The following ARHGAP26 variants were observed in gnomAD, a reference collection of about 807,000 sequenced individuals.
The protein encoded by ARHGAP26 is rho GTPase-activating protein 26.
A neutral mutation model predicts 104.8 loss-of-function variants in ARHGAP26; 38 were observed. The ratio of observed to expected loss-of-function variants is 0.36; its 90% CI spans 0.28 to 0.48. The LOEUF (loss-of-function observed/expected upper bound fraction) is 0.48. Among genes scored for constraint, ARHGAP26 ranks in the 20% least tolerant of loss-of-function variants. The probability of loss-of-function intolerance (pLI) is 0.99; values close to 1 mark genes in which losing one functional copy is unlikely to be tolerated. For missense variants in ARHGAP26, 704 were observed against 947.9 expected (o/e 0.74, Z 3.38); for synonymous variants, 341 against 340.0 (o/e 1.00, Z -0.03).
chr5:142,990,103 G>T (rs1775371225), intron 11 of ARHGAP26, among the ~76,000 whole-genome samples: 2 of 152,164 alleles, frequency 1.3e-5, no homozygotes, highest in Non-Finnish European at 2.9e-5. Flanking sequence ...ATCAGATGTA[G>T]ATTTGGTCTT....
chr5:143,130,051 A>T (rs1367650153), intron 18 of ARHGAP26, among the ~76,000 whole-genome samples: 1 of 152,186 alleles, frequency 6.6e-6, no homozygotes, highest in Non-Finnish European at 1.5e-5. Context: ...TATGGCAGTG[A>T]TGTCAGCGTC....
intron 11 of ARHGAP26, among the ~76,000 whole-genome samples, chr5:143,009,079 CT>C (rs1018559106): frequency 7.2e-5 from 11 of 152,154 alleles, no homozygotes; most frequent in South Asian, 6.2e-4. Flanking sequence ...CTCTCCCCCC[CT>C]GGTGTTTATC....
chr5:143,016,030 T>C (rs953251106), intron 12 of ARHGAP26, among the ~76,000 whole-genome samples: 1 of 152,196 alleles, frequency 6.6e-6, no homozygotes, highest in Non-Finnish European at 1.5e-5. Context: ...GCGTTGGTGA[T>C]AATAGCAAAG....
intron 20 of ARHGAP26, among the ~76,000 whole-genome samples, chr5:143,149,380 C>T (rs1799541414): frequency 2.0e-5 from 3 of 152,132 alleles, no homozygotes. Context: ...CCAGCATCAG[C>T]CCTGATACCA....
intron 17 of ARHGAP26, among the ~76,000 whole-genome samples, chr5:143,064,238 A>G (rs1004176047): frequency 6.6e-6 from 1 of 151,890 alleles, no homozygotes; most frequent in Non-Finnish European, 1.5e-5. Flanking sequence ...CTCCCGGCCT[A>G]CTTCATTCAG....
chr5:143,199,925 T>TA (rs1413601304), intron 20 of ARHGAP26, among the ~76,000 whole-genome samples: 1 of 152,226 alleles, frequency 6.6e-6, no homozygotes, highest in Non-Finnish European at 1.5e-5. Flanking sequence ...GGAGCAGCCA[T>TA]ACCTTTCAAC....
chr5:142,947,824 C>T (rs1196385627), intron 11 of ARHGAP26, among the ~76,000 whole-genome samples: 1 of 152,096 alleles, frequency 6.6e-6, no homozygotes, highest in Non-Finnish European at 1.5e-5. Context: ...TGGCCAAGAT[C>T]GTTGAGTATA....
chr5:142,831,794 G>A (rs1011606844), intron 1 of ARHGAP26, among the ~76,000 whole-genome samples: 1 of 151,958 alleles, frequency 6.6e-6, no homozygotes, highest in Non-Finnish European at 1.5e-5. Flanking sequence ...TTATCCAGTG[G>A]GTAGCAATTT....
intron 1 of ARHGAP26, among the ~76,000 whole-genome samples, chr5:142,825,179 T>G (rs1766992964): frequency 1.3e-5 from 2 of 152,228 alleles, no homozygotes; most frequent in African/African-American, 4.8e-5. Flanking sequence ...TTGTAAGGAT[T>G]TAAACCAGGT....
At chr5:143,181,544 GTTAT>G (rs1335736653) in intron 20 of ARHGAP26, among the ~76,000 whole-genome samples, 1 of 152,114 alleles carries the variant, frequency 6.6e-6, no homozygotes, top group African/African-American at 2.4e-5. Context: ...TCATCACCTG[GTTAT>G]TTGTCTCATT....
intron 1 of ARHGAP26, among the ~76,000 whole-genome samples, chr5:142,791,635 A>C (rs1292647752): frequency 6.6e-6 from 1 of 152,118 alleles, no homozygotes; most frequent in East Asian, 1.9e-4. Flanking sequence ...TGAATATTAG[A>C]GTATATATTC....
At chr5:143,098,902 G>A (rs1035310396) in intron 17 of ARHGAP26, among the ~76,000 whole-genome samples, 3 of 152,312 alleles carry the variant, frequency 2.0e-5, no homozygotes, top group African/African-American at 4.8e-5. Context: ...ACATGACTTT[G>A]TGAAAGTATA....
chr5:142,950,842 T>G (rs1305195330), intron 11 of ARHGAP26, among the ~76,000 whole-genome samples: 3 of 152,222 alleles, frequency 2.0e-5, no homozygotes, highest in Non-Finnish European at 4.4e-5. Flanking sequence ...AAGGCTAGCA[T>G]CTGTCAAGAG....
At chr5:143,062,513 G>A (rs1243957727) in intron 17 of ARHGAP26, among the ~76,000 whole-genome samples, 1 of 135,376 alleles carries the variant, frequency 7.4e-6, no homozygotes, top group African/African-American at 2.8e-5. Flanking sequence ...GCATGTTGTA[G>A]CTTGGGTTTT....
chr5:142,792,860 C>A (rs1203098997), intron 1 of ARHGAP26, among the ~76,000 whole-genome samples: 2 of 152,176 alleles, frequency 1.3e-5, no homozygotes, highest in East Asian at 3.8e-4. Context: ...CATTAAAGTT[C>A]TTTCTGTGTT....
intron 11 of ARHGAP26, among the ~76,000 whole-genome samples, chr5:143,005,946 A>G (rs529286665): frequency 7.2e-5 from 11 of 152,312 alleles, no homozygotes; most frequent in Non-Finnish European, 1.6e-4. Context: ...ACCAACAGGT[A>G]CAGAACCCCT....
At chr5:143,092,474 C>T (rs1442899306) in intron 17 of ARHGAP26, among the ~76,000 whole-genome samples, 1 of 152,098 alleles carries the variant, frequency 6.6e-6, no homozygotes, top group Non-Finnish European at 1.5e-5. Flanking sequence ...ACATCCCGTT[C>T]TTTAAACAAC....
intron 20 of ARHGAP26, chr5:143,170,670 T>C (rs922500824): frequency 1.6e-4 from 24 of 152,326 alleles, no homozygotes; most frequent in African/African-American, 5.5e-4. Flanking sequence ...GGAGGTACTG[T>C]TGTACTCCAC....
At chr5:142,783,038 G>T (rs1233953214) in intron 1 of ARHGAP26, among the ~76,000 whole-genome samples, 1 of 151,816 alleles carries the variant, frequency 6.6e-6, no homozygotes, top group East Asian at 1.9e-4. Flanking sequence ...CAAGTGATTT[G>T]CATGGTGGGA....
Sources: allele counts gnomAD v4.1 joint callset (sites outside exome capture counted in the v4.1 genomes callset), GRCh38; gene constraint gnomAD v4.1.1; transcripts MANE v1.5; gene names NCBI Gene and HGNC (gene_info 2026-07-23, HGNC 2026-07-21).